KCTD16: variants seen among roughly 807,000 people sequenced by gnomAD.
KCTD16 encodes the protein potassium channel tetramerization domain containing 16.
A neutral mutation model predicts 33.2 loss-of-function variants in KCTD16; 13 were observed. The ratio of observed to expected loss-of-function variants is 0.39; its 90% CI spans 0.25 to 0.62. KCTD16 has a LOEUF of 0.62. Among genes scored for constraint, KCTD16 ranks in the 20% least tolerant of loss-of-function variants. The pLI is 0.50. For missense variants in KCTD16, 441 were observed against 525.1 expected (o/e 0.84, Z 1.57); for synonymous variants, 197 against 195.3 (o/e 1.01, Z -0.07).
At position 144,483,178 on chromosome 5, in the gene KCTD16, A is replaced by T. The variant is rs1754739739; in HGVS notation, c.*9064A>T. On this transcript the variant is annotated 3_prime_UTR_variant, in exon 4 of 4. Transcript: ENST00000512467. ...AACCAAACCAGAAAAAACCCAAAAC[A>T]CTACCAAATGAACAGTGATAATGTT... 1 of 151,016 alleles carries T rather than the reference A, an allele frequency of 6.6e-6. No homozygotes were observed. Among genetic ancestry groups the T allele is most frequent in the South Asian group, 2.1e-4 (1 of 4,822 alleles). 9.4% of individuals were successfully genotyped at this position (151,016 alleles called of 1,614,324 possible).
intron 3 of KCTD16, among the ~76,000 whole-genome samples, chr5:144,353,569 A>G (rs1751495145): frequency 6.6e-6 from 1 of 152,208 alleles, no homozygotes. Flanking sequence ...TAAAGTGCTT[A>G]GGCAGTTCCT....
intron 3 of KCTD16, among the ~76,000 whole-genome samples, chr5:144,420,261 G>C (rs1401458521): frequency 6.6e-6 from 1 of 152,106 alleles, no homozygotes; most frequent in Non-Finnish European, 1.5e-5. Context: ...ACTGGTCGGG[G>C]AATGCAGATT....
intron 3 of KCTD16, among the ~76,000 whole-genome samples, chr5:144,349,779 C>A (rs902326269): frequency 1.3e-5 from 2 of 152,166 alleles, no homozygotes; most frequent in African/African-American, 4.8e-5. Flanking sequence ...GAGCCACTAC[C>A]TTTCCCCATC....
At position 144,399,394 on chromosome 5, in the gene KCTD16, A is replaced by G. The variant is rs144127190; in HGVS notation, c.833-74266A>G. ...CCAGAACATTAATTTAAAAAAATAG[A>G]CAGTGATTAGGCTTCTTTCAGCTTT... On this transcript the variant is annotated intron_variant, in intron 3 of 3. Transcript: ENST00000512467. Among the ~76,000 whole-genome samples the G allele has an allele frequency of 4.4e-3, 673 of 152,228 alleles. 3 individuals are homozygous for G. The highest frequency in any genetic ancestry group is 0.015 in the African/African-American group (642 of 41,548).
chr5:144,417,379 G>A (rs1030716846), intron 3 of KCTD16, among the ~76,000 whole-genome samples: 6 of 151,974 alleles, frequency 3.9e-5, no homozygotes, highest in Non-Finnish European at 8.8e-5. Context: ...AATGAAATCA[G>A]GCATCTTTTT....
At chr5:144,426,055 TTAAG>T (rs1411462347) in intron 3 of KCTD16, among the ~76,000 whole-genome samples, 1 of 152,206 alleles carries the variant, frequency 6.6e-6, no homozygotes, top group Non-Finnish European at 1.5e-5. Context: ...ATAAATTTAA[TTAAG>T]TCATTTCTTT....
At position 144,474,497 on chromosome 5, in the gene KCTD16, A is replaced by G. The variant is rs10061593; in HGVS notation, c.*383A>G. 545 of 170,020 alleles carry G rather than the reference A, an allele frequency of 3.2e-3. 2 individuals carry two copies. Among genetic ancestry groups the G allele is most frequent in the African/African-American group, 0.012 (500 of 41,782 alleles). The allele number at this position is 170,020 out of a possible 1,614,324, so 10.5% of individuals were successfully genotyped here. ...CTCCTTTGAATGAGGGTATGGTAGAAAAAGATCTGGCCCAATGGCATAAGT... is the reference window on the plus strand; with the variant it reads ...CTCCTTTGAATGAGGGTATGGTAGAGAAAGATCTGGCCCAATGGCATAAGT... On this transcript the variant is annotated 3_prime_UTR_variant, in exon 4 of 4. Transcript: ENST00000512467.
chr5:144,378,183 G>A (rs1236303971), intron 3 of KCTD16, among the ~76,000 whole-genome samples: 1 of 152,178 alleles, frequency 6.6e-6, no homozygotes, highest in Non-Finnish European at 1.5e-5. Flanking sequence ...GGGAAAGGAA[G>A]ACTACTAGCC....
chr5:144,463,906 T>C lies in KCTD16; in HGVS notation c.833-9754T>C, dbSNP rs529994118. 3.3e-5 allele frequency among the ~76,000 whole-genome samples: 5 copies of C among 152,304 alleles called. No individual in the cohort carries two copies. In the South Asian group the frequency reaches 1.0e-3, roughly 32 times the overall value. On this transcript the variant is annotated intron_variant, in intron 3 of 3. Coordinates refer to ENST00000512467, the MANE Select transcript of KCTD16 (RefSeq NM_020768.4). ...TGCCTATATGGGAAAAAATATTTGG[T>C]TAGCTCAATCTGTGCTCCATTTAAA...
At chr5:144,413,216 G>T (rs1342635636) in intron 3 of KCTD16, among the ~76,000 whole-genome samples, 12 of 152,162 alleles carry the variant, frequency 7.9e-5, no homozygotes, top group African/African-American at 2.7e-4. Context: ...CAATATGACT[G>T]GTGCCCCTAC....
At chr5:144,289,597 G>T (rs1755839063) in intron 3 of KCTD16, among the ~76,000 whole-genome samples, 1 of 152,102 alleles carries the variant, frequency 6.6e-6, no homozygotes, top group Admixed American at 6.6e-5. Context: ...AAAGTATAAA[G>T]CCACCTAGCC....
chr5:144,201,810 A>T (rs1373290553), intron 2 of KCTD16, among the ~76,000 whole-genome samples: 1 of 152,192 alleles, frequency 6.6e-6, no homozygotes, highest in African/African-American at 2.4e-5. Context: ...GGAGCACATA[A>T]CACGATGAGT....
chr5:144,380,447 A>G (rs1307604301), intron 3 of KCTD16, among the ~76,000 whole-genome samples: 1 of 152,238 alleles, frequency 6.6e-6, no homozygotes, highest in Non-Finnish European at 1.5e-5. Flanking sequence ...TGCTATTTAT[A>G]TCAAACTATG....
intron 3 of KCTD16, among the ~76,000 whole-genome samples, chr5:144,213,918 G>C (rs542331736): frequency 6.6e-6 from 1 of 152,246 alleles, no homozygotes; most frequent in South Asian, 2.1e-4. Context: ...GTGCTGCAGT[G>C]GTAGCCTGCT....
intron 3 of KCTD16, among the ~76,000 whole-genome samples, chr5:144,452,121 C>T (rs1199561714): frequency 6.9e-6 from 1 of 144,540 alleles, no homozygotes; most frequent in Non-Finnish European, 1.5e-5. Context: ...CCGCTGCTCC[C>T]AAAACACATT....
At chr5:144,211,076 A>G (rs1415655566) in intron 3 of KCTD16, among the ~76,000 whole-genome samples, 1 of 152,072 alleles carries the variant, frequency 6.6e-6, no homozygotes, top group Non-Finnish European at 1.5e-5. Context: ...AGTTGCTTCC[A>G]CAGAAGTCTC....
intron 3 of KCTD16, among the ~76,000 whole-genome samples, chr5:144,220,149 C>A (rs1424811208): frequency 1.3e-5 from 2 of 152,178 alleles, no homozygotes; most frequent in African/African-American, 4.8e-5. Flanking sequence ...TTACCTCTCC[C>A]CCAAACACTC....
chr5:144,313,989 A>G (rs1751840137), intron 3 of KCTD16, among the ~76,000 whole-genome samples: 1 of 152,206 alleles, frequency 6.6e-6, no homozygotes, highest in Non-Finnish European at 1.5e-5. Context: ...TGAGGTTTAA[A>G]GAGGTCATTT....
chr5:144,400,439 T>G (rs1291365328), intron 3 of KCTD16, among the ~76,000 whole-genome samples: 1 of 152,178 alleles, frequency 6.6e-6, no homozygotes, highest in Non-Finnish European at 1.5e-5. Context: ...GCAGGGACCC[T>G]CACACCAGAT....
Sources: allele counts gnomAD v4.1 joint callset (sites outside exome capture counted in the v4.1 genomes callset), GRCh38; gene constraint gnomAD v4.1.1; transcripts MANE v1.5; gene names NCBI Gene and HGNC (gene_info 2026-07-23, HGNC 2026-07-21).